Variants in TYW1B observed in about 807,000 individuals in gnomAD.
The protein encoded by TYW1B is S-adenosyl-L-methionine-dependent tRNA 4-demethylwyosine synthase TYW1B.
In TYW1B, 73 loss-of-function variants were observed where a neutral mutation model predicts 86.9. The ratio of observed to expected loss-of-function variants is 0.84; its 90% CI spans 0.70 to 1.02. The LOEUF (loss-of-function observed/expected upper bound fraction) is 1.02, where lower values mean the gene tolerates loss of function less well. Among genes scored for constraint, TYW1B ranks in the 50% least tolerant of loss-of-function variants. The pLI is 0.00. For missense variants in TYW1B, 637 were observed against 827.4 expected (o/e 0.77, Z 2.82); for synonymous variants, 248 against 292.8 (o/e 0.85, Z 1.56).
intron 7 of TYW1B, among the ~76,000 whole-genome samples, chr7:72,749,290 T>C (rs1228512875): frequency 6.6e-6 from 1 of 152,170 alleles, no homozygotes; most frequent in Non-Finnish European, 1.5e-5. Flanking sequence ...CTGATATTGA[T>C]GACTTGAGTT....
intron 11 of TYW1B, among the ~76,000 whole-genome samples, chr7:72,674,757 CTCTT>C (rs1365468534): frequency 3.1e-5 from 3 of 97,706 alleles, no homozygotes; most frequent in African/African-American, 7.3e-5. Context: ...TTCCTTTTCT[CTCTT>C]TTTTTTTTTT....
intron 7 of TYW1B, among the ~76,000 whole-genome samples, chr7:72,764,129 T>A (rs192027803): frequency 6.6e-6 from 1 of 152,264 alleles, no homozygotes; most frequent in East Asian, 1.9e-4. Context: ...ATGTAAGAAA[T>A]AACTAAATTC....
chr7:72,608,997 G>A (rs1298865172), intron 13 of TYW1B, among the ~76,000 whole-genome samples: 1 of 152,134 alleles, frequency 6.6e-6, no homozygotes, highest in Non-Finnish European at 1.5e-5. Context: ...TCTGAATAAG[G>A]TCTATGGGTT....
At chr7:72,680,477 G>A (rs1425120951) in intron 11 of TYW1B, among the ~76,000 whole-genome samples, 11 of 152,294 alleles carry the variant, frequency 7.2e-5, no homozygotes, top group South Asian at 2.1e-4. Context: ...TTACACCAGT[G>A]GTTTGCCAGG....
intron 9 of TYW1B, among the ~76,000 whole-genome samples, chr7:72,721,632 A>C (rs1196943967): frequency 6.6e-6 from 1 of 151,974 alleles, no homozygotes; most frequent in African/African-American, 2.4e-5. Flanking sequence ...ATGCACACAC[A>C]CACACGCACA....
At chr7:72,809,789 C>T (rs1238303685) in intron 4 of TYW1B, among the ~76,000 whole-genome samples, 1 of 152,094 alleles carries the variant, frequency 6.6e-6, no homozygotes, top group African/African-American at 2.4e-5. Context: ...CACCTGAGGT[C>T]AGGAGTTCAA....
chr7:72,791,498 A>C lies in TYW1B; in HGVS notation c.846+10902T>G, dbSNP rs552025420. ...TTGGACTTAAGAACAATAGAACAGGACGGGCACAGTGGCTCACGCCTGTAA... is the reference window on the plus strand; with the variant it reads ...TTGGACTTAAGAACAATAGAACAGGCCGGGCACAGTGGCTCACGCCTGTAA... On this transcript the variant is annotated intron_variant, in intron 6 of 13. Coordinates refer to ENST00000620995, the MANE Select transcript of TYW1B (RefSeq NM_001145440.3). 3.5e-3 allele frequency among the ~76,000 whole-genome samples: 528 copies of C among 151,854 alleles called. 13 individuals are homozygous for C. The highest frequency in any genetic ancestry group is 0.026 in the Admixed American group (401 of 15,214).
chr7:72,617,079 C>T (rs577922462), intron 12 of TYW1B, among the ~76,000 whole-genome samples: 2 of 152,338 alleles, frequency 1.3e-5, no homozygotes, highest in East Asian at 1.9e-4. Flanking sequence ...TAAGTACCTG[C>T]GCTTTCTACC....
intron 11 of TYW1B, among the ~76,000 whole-genome samples, chr7:72,668,961 C>G (rs1813528287): frequency 1.3e-5 from 2 of 152,048 alleles, no homozygotes; most frequent in South Asian, 2.1e-4. Flanking sequence ...AGGCAAAGAC[C>G]ACATCCCAGT....
At chr7:72,739,292 T>G (rs1204097777) in intron 8 of TYW1B, among the ~76,000 whole-genome samples, 6 of 152,144 alleles carry the variant, frequency 3.9e-5, no homozygotes, top group Middle Eastern at 3.4e-3. Flanking sequence ...AAAAACTCTA[T>G]AATAAGAATT....
intron 11 of TYW1B, among the ~76,000 whole-genome samples, chr7:72,654,086 G>GA (rs56251020): frequency 0.23 from 27,459 of 118,514 alleles, 3,011 homozygotes; most frequent in African/African-American, 0.35. Flanking sequence ...TCACAAAAAA[G>GA]AAAAAAAAAA....
chr7:72,713,885 A>G, intron 9 of TYW1B, 87 bp from the exon 10 acceptor site: 1 of 1,380,814 alleles, frequency 7.2e-7, no homozygotes, highest in Non-Finnish European at 9.6e-7. Flanking sequence ...GATTTTATAG[A>G]GCAAATTCAT....
chr7:72,741,785 A>C (rs1787308788), intron 8 of TYW1B, among the ~76,000 whole-genome samples: 1 of 152,194 alleles, frequency 6.6e-6, no homozygotes, highest in South Asian at 2.1e-4. Context: ...GTAAAATTAA[A>C]AGCCAATTTC....
Position 72,575,029 on chromosome 7 carries a change from G to T in TYW1B, c.*469C>A, listed in dbSNP as rs1163897446. The stretch of plus-strand genomic sequence containing the variant: ...GGTGCTGTCTTAAGACAGAAGAAAG[G>T]GATCAAGCTCTTATCTTAGAAAGCA... On this transcript the variant is annotated 3_prime_UTR_variant, in exon 14 of 14. Transcript: ENST00000620995. The T allele has an allele frequency of 4.0e-6, 4 of 992,516 alleles. No individual in the cohort carries two copies. The highest frequency in any genetic ancestry group is 4.8e-6 in the Non-Finnish European group (4 of 834,004). 61.5% of individuals were successfully genotyped at this position (992,516 alleles called of 1,614,324 possible).
chr7:72,770,339 G>T (rs1320979282), intron 7 of TYW1B, among the ~76,000 whole-genome samples: 2 of 139,232 alleles, frequency 1.4e-5, no homozygotes, highest in Admixed American at 7.9e-5. Context: ...TGAGGCAGGA[G>T]AATCACTTGA....
intron 9 of TYW1B, among the ~76,000 whole-genome samples, chr7:72,728,121 C>G (rs560885636): frequency 6.6e-6 from 1 of 151,746 alleles, no homozygotes; most frequent in Non-Finnish European, 1.5e-5. Context: ...CATTCAAAAC[C>G]GTTTTTCCAT....
intron 10 of TYW1B, among the ~76,000 whole-genome samples, chr7:72,708,826 C>A (rs1355566899): frequency 2.0e-5 from 3 of 152,132 alleles, no homozygotes; most frequent in African/African-American, 7.2e-5. Flanking sequence ...AAAGTAAAGG[C>A]TTTCTGAAGA....
chr7:72,801,809 A>T (rs576289061), intron 6 of TYW1B, among the ~76,000 whole-genome samples: 1 of 152,222 alleles, frequency 6.6e-6, no homozygotes, highest in East Asian at 1.9e-4. Flanking sequence ...CCCACAGACC[A>T]GGCTGCCATC....
chr7:72,749,469 A>AT (rs1465556914), intron 7 of TYW1B, among the ~76,000 whole-genome samples: 1 of 151,964 alleles, frequency 6.6e-6, no homozygotes, highest in African/African-American at 2.4e-5. Context: ...AATTTTTTGT[A>AT]TTTTTAGTAG....
Sources: gnomAD v4.1 joint callset for allele counts (sites outside exome capture counted in the v4.1 genomes callset) on GRCh38, gnomAD v4.1.1 for gene constraint, MANE v1.5 for transcripts, NCBI Gene and HGNC (gene_info 2026-07-23, HGNC 2026-07-21) for gene names.